NLGN1: variants seen among roughly 807,000 people sequenced by gnomAD.
NLGN1 encodes neuroligin 1, also known as neuroligin-1.
In NLGN1, 12 loss-of-function variants were observed where a neutral mutation model predicts 65.5. That is an observed-to-expected ratio of 0.18 (90% CI 0.12 to 0.30). NLGN1 has a LOEUF of 0.30. Among genes scored for constraint, NLGN1 ranks in the 10% least tolerant of loss-of-function variants. The pLI is 1.00. For missense variants in NLGN1, 750 were observed against 1,007.1 expected, an observed-to-expected ratio of 0.74 and a Z score of 3.46; for synonymous variants, 350 against 359.5, an observed-to-expected ratio of 0.97 and a Z score of 0.30.
At chr3:173,995,887 T>G (rs1165222899) in intron 4 of NLGN1, among the ~76,000 whole-genome samples, 1 of 152,086 alleles carries the variant, frequency 6.6e-6, no homozygotes, top group Non-Finnish European at 1.5e-5. Context: ...TGTCTCAGTA[T>G]GTTGCCCAGG....
chr3:173,891,719 A>G (rs576135394), intron 4 of NLGN1, among the ~76,000 whole-genome samples: 18 of 152,318 alleles, frequency 1.2e-4, no homozygotes, highest in African/African-American at 3.8e-4. Flanking sequence ...TCCTTGGGAC[A>G]CTTCTCAAAT....
At chr3:173,736,882 C>A (rs944245961) in intron 3 of NLGN1, among the ~76,000 whole-genome samples, 5 of 151,880 alleles carry the variant, frequency 3.3e-5, no homozygotes, top group Non-Finnish European at 7.4e-5. Flanking sequence ...TTGCATAATA[C>A]CTCTGTTTAA....
chr3:173,667,764 G>C (rs530886175), intron 3 of NLGN1, among the ~76,000 whole-genome samples: 3 of 152,108 alleles, frequency 2.0e-5, no homozygotes, highest in African/African-American at 7.2e-5. Flanking sequence ...CGATTAGCTG[G>C]GACTACAGGT....
chr3:173,947,310 C>T (rs904468009), intron 4 of NLGN1, among the ~76,000 whole-genome samples: 1 of 152,088 alleles, frequency 6.6e-6, no homozygotes, highest in Non-Finnish European at 1.5e-5. Flanking sequence ...GTGTTAGCCA[C>T]CACGACTGGC....
At chr3:173,707,136 G>C (rs767075881) in intron 3 of NLGN1, among the ~76,000 whole-genome samples, 4 of 152,310 alleles carry the variant, frequency 2.6e-5, no homozygotes, top group Non-Finnish European at 5.9e-5. Flanking sequence ...CAGGAACCAC[G>C]TCTGACCTAT....
At chr3:173,516,311 AT>A (rs1253085302) in intron 2 of NLGN1, among the ~76,000 whole-genome samples, 1 of 152,042 alleles carries the variant, frequency 6.6e-6, no homozygotes, top group Non-Finnish European at 1.5e-5. Context: ...AATATGTCTA[AT>A]CCATACAACT....
intron 3 of NLGN1, among the ~76,000 whole-genome samples, chr3:173,652,768 TA>T (rs1229186407): frequency 6.6e-6 from 1 of 152,228 alleles, no homozygotes; most frequent in African/African-American, 2.4e-5. Context: ...ATGTTTTCTC[TA>T]ATTCTTTGAA....
chr3:174,212,073 G>A (rs1007669470), intron 4 of NLGN1, among the ~76,000 whole-genome samples: 11 of 152,198 alleles, frequency 7.2e-5, no homozygotes, highest in African/African-American at 2.7e-4. Flanking sequence ...CGGAGGCGGG[G>A]GAAGGCTCAG....
chr3:173,785,337 T>G (rs1234731181), intron 3 of NLGN1, among the ~76,000 whole-genome samples: 2 of 152,228 alleles, frequency 1.3e-5, no homozygotes, highest in African/African-American at 4.8e-5. Flanking sequence ...CAATATATCT[T>G]GATAATTTCC....
At chr3:174,019,738 G>T (rs556576614) in intron 4 of NLGN1, among the ~76,000 whole-genome samples, 1 of 152,174 alleles carries the variant, frequency 6.6e-6, no homozygotes, top group East Asian at 1.9e-4. Context: ...CTATTAAGAA[G>T]AATGGGAATG....
intron 2 of NLGN1, among the ~76,000 whole-genome samples, chr3:173,480,414 A>G (rs1727074162): frequency 6.6e-6 from 1 of 152,110 alleles, no homozygotes; most frequent in South Asian, 2.1e-4. Flanking sequence ...TAGTTTTAAA[A>G]TATGTTAAAG....
chr3:173,933,017 C>G (rs546823667), intron 4 of NLGN1, among the ~76,000 whole-genome samples: 10 of 151,976 alleles, frequency 6.6e-5, no homozygotes, highest in Non-Finnish European at 1.3e-4. Context: ...GGAAGATACT[C>G]AAAGAATCAC....
chr3:173,453,993 A>C (rs917548230), intron 2 of NLGN1, among the ~76,000 whole-genome samples: 3 of 152,238 alleles, frequency 2.0e-5, no homozygotes, highest in African/African-American at 7.2e-5. Context: ...AAGACTTGAA[A>C]GTTGAAATTG....
intron 4 of NLGN1, among the ~76,000 whole-genome samples, chr3:174,071,074 G>A (rs377381408): frequency 5.9e-5 from 9 of 151,962 alleles, no homozygotes; most frequent in African/African-American, 1.7e-4. Flanking sequence ...AAATAAATAA[G>A]TAGTAATGGG....
intron 4 of NLGN1, among the ~76,000 whole-genome samples, chr3:174,011,370 T>C (rs1406358328): frequency 1.3e-5 from 2 of 152,198 alleles, no homozygotes; most frequent in Non-Finnish European, 2.9e-5. Flanking sequence ...GAAGGGAAGG[T>C]GGTTCTAATT....
intron 3 of NLGN1, among the ~76,000 whole-genome samples, chr3:173,800,788 A>C (rs1715308203): frequency 6.6e-6 from 1 of 152,086 alleles, no homozygotes; most frequent in South Asian, 2.1e-4. Context: ...GTTTTAAAAA[A>C]ACACACACAC....
At chr3:173,723,494 TC>T (rs1385653674) in intron 3 of NLGN1, among the ~76,000 whole-genome samples, 1 of 152,174 alleles carries the variant, frequency 6.6e-6, no homozygotes, top group Non-Finnish European at 1.5e-5. Flanking sequence ...CAATGTTGAA[TC>T]ATAGTGGAAA....
rs556052638 is a variant in NLGN1 at position 173,745,477 on chromosome 3, C to T, written c.494-62203C>T. ...TAAGTACATCTAAAGCTTTTTTTTA[C>T]GAGAAAGAGTTGGTTATTTATTTAT... On this transcript the variant is annotated intron_variant, in intron 3 of 6. Coordinates refer to ENST00000457714, the Ensembl canonical transcript of NLGN1. Among the ~76,000 whole-genome samples, 24 of 151,168 alleles carry T rather than the reference C, an allele frequency of 1.6e-4. 1 individual carries two copies. The highest frequency in any genetic ancestry group is 4.6e-4 in the African/African-American group (19 of 40,954).
exon 7 of NLGN1, chr3:174,281,005 C>A: frequency 6.2e-7 from 1 of 1,613,312 alleles, no homozygotes. Context: ...CTAACCCATG[C>A]ACAAGAAGAG....
Sources: allele counts gnomAD v4.1 joint callset (sites outside exome capture counted in the v4.1 genomes callset), GRCh38; gene constraint gnomAD v4.1.1; transcripts MANE v1.5; gene names NCBI Gene and HGNC (gene_info 2026-07-23, HGNC 2026-07-21).